C6: variants seen among roughly 807,000 people sequenced by gnomAD.
C6 encodes complement component C6.
A neutral mutation model predicts 112.9 loss-of-function variants in C6; 101 were observed. That is an observed-to-expected ratio of 0.89 (90% CI 0.76 to 1.06). The LOEUF (loss-of-function observed/expected upper bound fraction) is 1.06. Among genes scored for constraint, C6 ranks in the 50% least tolerant of loss-of-function variants. C6 has a pLI of 0.00. For missense variants in C6, 1,202 were observed against 1,104.6 expected (o/e 1.09, Z -1.25); for synonymous variants, 431 against 384.1 (o/e 1.12, Z -1.43).
rs1337453155 is a variant in C6, at chr5:41,186,073, A to G, written c.723T>C (p.Phe241=). The change falls in exon 6 of 18, where the codon TTT becomes TTC. Residue 241 remains phenylalanine, a synonymous_variant. Transcript: ENST00000337836. Reference sequence around the variant, plus strand: ...CCACCATGCTAGGCTGTCATACCTCAAAGCCGACATTTTCCAGATTGGCCG... The same window carrying G: ...CCACCATGCTAGGCTGTCATACCTCGAAGCCGACATTTTCCAGATTGGCCG... ...RVPANLENVG[F]EVQTAEDDLK... 6.2e-7 allele frequency: 1 copy of G among 1,613,970 alleles called. No individual in the cohort carries two copies. The highest frequency in any genetic ancestry group is 1.7e-5 in the Admixed American group (1 of 59,994).
intron 1 of C6, among the ~76,000 whole-genome samples, chr5:41,242,705 T>C (rs79386391): frequency 0.01 from 1,532 of 152,222 alleles, 33 homozygotes; most frequent in African/African-American, 0.035. Context: ...ATGTTTGCAA[T>C]AACCTTAGAA....
In C6 at chr5:41,186,092, T is replaced by C; in HGVS notation, c.704A>G (p.Asn235Ser). The stretch of plus-strand genomic sequence containing the variant: ...TACCTCAAAGCCGACATTTTCCAGA[T>C]TGGCCGGAACACGGTATGGATTACT... ...RTSNPYRVPA[N>S]LENVGFEVQT... Residue 235 changes from asparagine to serine, a missense_variant, in exon 6 of 18, where the codon AAT becomes AGT. Coordinates refer to ENST00000337836, the MANE Select transcript of C6 (RefSeq NM_000065.5). 1.2e-6 allele frequency: 2 copies of C among 1,614,016 alleles called. No individual in the cohort carries two copies. The highest frequency in any genetic ancestry group is 1.7e-6 in the Non-Finnish European group (2 of 1,179,938).
intron 17 of C6, 86 bp downstream of exon 17, chr5:41,149,155 G>A (rs2150229462): frequency 6.8e-7 from 1 of 1,476,912 alleles, no homozygotes; most frequent in Non-Finnish European, 9.5e-7. Flanking sequence ...TTTTGATTAA[G>A]GATAGGTTAT....
intron 17 of C6, among the ~76,000 whole-genome samples, chr5:41,146,748 C>T (rs1745862031): frequency 6.7e-6 from 1 of 148,344 alleles, no homozygotes; most frequent in South Asian, 2.1e-4. Flanking sequence ...GTTTTTAGTA[C>T]TTTTTTTTTT....
chr5:41,176,438 A>G, intron 8 of C6, 37 bp downstream of exon 8: 1 of 1,606,290 alleles, frequency 6.2e-7, no homozygotes, highest in Non-Finnish European at 8.5e-7. Flanking sequence ...GCATGCTATC[A>G]TACCAGTTAA....
intron 1 of C6, among the ~76,000 whole-genome samples, chr5:41,219,143 C>T (rs1341555822): frequency 6.6e-6 from 1 of 152,044 alleles, no homozygotes; most frequent in Non-Finnish European, 1.5e-5. Context: ...AGCCCTGAGC[C>T]TGATGCCAGC....
At chr5:41,153,659 T>C (rs1580050739) in intron 15 of C6, 151 bp downstream of exon 15, 5 of 630,180 alleles carry the variant, frequency 7.9e-6, no homozygotes, top group African/African-American at 1.8e-5. Context: ...TTAGCAGAGC[T>C]ATTGCATAGT....
intron 1 of C6, among the ~76,000 whole-genome samples, chr5:41,225,749 C>T (rs977212937): frequency 6.6e-6 from 1 of 152,086 alleles, no homozygotes; most frequent in African/African-American, 2.4e-5. Context: ...GGTACCAAAA[C>T]AGAGATATAG....
rs1340447966 is a variant in C6, at chr5:41,236,079, T to G, written c.-21+25115A>C. ...TTTGCTGTGCAGAAGCTCTTTAGTT[T>G]AATTAGATCCCATTTGTCAATTTTG... is the stretch of plus-strand genomic sequence containing the variant. On this transcript the variant is annotated intron_variant, in intron 1 of 17. Transcript: ENST00000263413. Among the ~76,000 whole-genome samples, 427 of 65,668 alleles carry G rather than the reference T, an allele frequency of 6.5e-3. 12 individuals are homozygous for G. The highest frequency in any genetic ancestry group is 0.026 in the African/African-American group (389 of 14,996). The allele number at this position is 65,668 out of a possible 152,430, so 43.1% of individuals were successfully genotyped here.
At chr5:41,245,388 G>A (rs1174201151) in intron 1 of C6, among the ~76,000 whole-genome samples, 3 of 152,134 alleles carry the variant, frequency 2.0e-5, no homozygotes, top group African/African-American at 7.2e-5. Context: ...TGGGCGTGGT[G>A]GCAGACACCT....
intron 1 of C6, among the ~76,000 whole-genome samples, chr5:41,239,024 G>T (rs1033141024): frequency 6.6e-6 from 1 of 151,348 alleles, no homozygotes; most frequent in African/African-American, 2.4e-5. Flanking sequence ...GTAACATTTT[G>T]TTACATGCAT....
At chr5:41,158,642 T>C (rs775911447) in intron 13 of C6, 32 bp downstream of exon 13, 3 of 1,288,398 alleles carry the variant, frequency 2.3e-6, no homozygotes, top group Non-Finnish European at 3.4e-6. Flanking sequence ...TTTTTAAAAC[T>C]ACAAACCAAA....
chr5:41,145,692 C>T lies in C6; in HGVS notation c.2624-2686G>A, dbSNP rs75344226. Among the ~76,000 whole-genome samples the T allele has an allele frequency of 1.9e-3, 291 of 152,252 alleles. 6 individuals are homozygous for T. The East Asian group carries it at 0.038, about 20-fold the overall frequency. Reference sequence around the variant, plus strand: ...CATTTTATGGAAAAGCATGCATTTCCGTACTATGCTCTCCATCAACCAGCT... The same window carrying T: ...CATTTTATGGAAAAGCATGCATTTCTGTACTATGCTCTCCATCAACCAGCT... On this transcript the variant is annotated intron_variant, in intron 17 of 17. Transcript: ENST00000337836.
chr5:41,150,040 A>G lies in C6; in HGVS notation c.2291-15T>C. 6.6e-7 allele frequency: 1 copy of G among 1,520,654 alleles called. No individual in the cohort carries two copies. The highest frequency in any genetic ancestry group is 9.1e-7 in the Non-Finnish European group (1 of 1,095,010). 94.2% of individuals were successfully genotyped at this position (1,520,654 alleles called of 1,614,324 possible). On this transcript the variant is annotated splice_polypyrimidine_tract_variant and intron_variant, in intron 15 of 17. Coordinates refer to ENST00000337836, the MANE Select transcript of C6 (RefSeq NM_000065.5). The stretch of plus-strand genomic sequence containing the variant: ...TGTTAGAGTATCTGAAACAAAAGAA[A>G]AAAGGAGAAAAGAACAGTGCACAGC...
At chr5:41,228,256 T>C (rs1411856727) in intron 1 of C6, among the ~76,000 whole-genome samples, 1 of 152,144 alleles carries the variant, frequency 6.6e-6, no homozygotes, top group African/African-American at 2.4e-5. Context: ...ATTTCTTTTT[T>C]GGATATTTGT....
In C6 at chr5:41,203,134, T is replaced by A; in HGVS notation, c.97A>T (p.Thr33Ser). 1.2e-6 allele frequency: 2 copies of A among 1,614,078 alleles called. No homozygotes were observed. Among genetic ancestry groups the A allele is most frequent in the Non-Finnish European group, 1.7e-6 (2 of 1,179,956 alleles). The stretch of plus-strand genomic sequence containing the variant: ...GAATTGCAAGTTTTTGAGCAGCTGG[T>A]CCACTGAGTCCATGCATAGTGATCA... ...FCDHYAWTQW[T>S]SCSKTCNSGT... Residue 33 changes from threonine (T) to serine (S), a missense_variant, in exon 2 of 18, where the codon ACC becomes TCC. By Grantham distance (58) the Thr-to-Ser change is moderately conservative. Transcript: ENST00000337836.
intron 1 of C6, among the ~76,000 whole-genome samples, chr5:41,245,664 C>A (rs1162653195): frequency 6.6e-6 from 1 of 152,102 alleles, no homozygotes; most frequent in African/African-American, 2.4e-5. Flanking sequence ...CTATCAAATG[C>A]TTTTCCTTCA....
chr5:41,175,509 A>C (rs1748764461), intron 8 of C6, among the ~76,000 whole-genome samples: 1 of 152,212 alleles, frequency 6.6e-6, no homozygotes, highest in African/African-American at 2.4e-5. Flanking sequence ...GAATGTGAGA[A>C]GGTTTCCGTA....
At chr5:41,149,771 A>C (rs993718783) in intron 16 of C6, among the ~76,000 whole-genome samples, 164 bp downstream of exon 16, 1 of 152,188 alleles carries the variant, frequency 6.6e-6, no homozygotes, top group Admixed American at 6.5e-5. Flanking sequence ...GAAACTTGCT[A>C]CCCAATGGGG....
Sources: gnomAD v4.1 joint callset for allele counts (sites outside exome capture counted in the v4.1 genomes callset) on GRCh38, gnomAD v4.1.1 for gene constraint, MANE v1.5 for transcripts, NCBI Gene and HGNC (gene_info 2026-07-23, HGNC 2026-07-21) for gene names.